Variants in ARHGAP28 observed in about 807,000 individuals in gnomAD.
ARHGAP28 encodes rho GTPase-activating protein 28.
In ARHGAP28, 56 loss-of-function variants were observed where a neutral mutation model predicts 90.7. That is an observed-to-expected ratio of 0.62 (90% confidence interval 0.50 to 0.77). ARHGAP28 has a LOEUF of 0.77. ARHGAP28 is among the 30% of genes least tolerant of loss of function. ARHGAP28 has a pLI of 0.00. For synonymous variants in ARHGAP28, 308 were observed against 323.3 expected, an observed-to-expected ratio of 0.95 and a Z score of 0.51; for missense variants, 869 against 900.9, an observed-to-expected ratio of 0.96 and a Z score of 0.45.
Position 6,887,224 on chromosome 18 carries a change from C to T in ARHGAP28, c.1521C>T (p.Asn507=), listed in dbSNP as rs148642656. 149 of 1,614,006 alleles carry T rather than the reference C, an allele frequency of 9.2e-5. No individual in the cohort carries two copies. Among genetic ancestry groups the T allele is most frequent in the Non-Finnish European group, 1.2e-4 (144 of 1,180,012 alleles). The change falls in exon 12 of 18, where the codon AAC becomes AAT. Residue 507 remains asparagine, a synonymous_variant. Transcript: ENST00000383472. ...TGGTCATGGCGCTGCCTGATGCCAACAGAGATGCAGCTCAGGTACGTCGTG... is the reference window on the plus strand; with the variant it reads ...TGGTCATGGCGCTGCCTGATGCCAATAGAGATGCAGCTCAGGTACGTCGTG... ...HLMVMALPDA[N]RDAAQALMTF... is the part of the protein sequence containing the mutation.
intron 1 of ARHGAP28, among the ~76,000 whole-genome samples, chr18:6,765,106 C>A (rs2056190049): frequency 6.6e-6 from 1 of 151,990 alleles, no homozygotes. Flanking sequence ...CGATGTTGGT[C>A]CATAGGTTTT....
chr18:6,785,180 C>T (rs1009345241), intron 1 of ARHGAP28, among the ~76,000 whole-genome samples: 1 of 152,178 alleles, frequency 6.6e-6, no homozygotes, highest in Non-Finnish European at 1.5e-5. Flanking sequence ...AAGGAATACT[C>T]CCCATTTGAG....
At chr18:6,773,092 G>T (rs2056256686) in intron 1 of ARHGAP28, among the ~76,000 whole-genome samples, 1 of 152,164 alleles carries the variant, frequency 6.6e-6, no homozygotes, top group Non-Finnish European at 1.5e-5. Flanking sequence ...ATATGTATTT[G>T]TTTGAGTTTT....
At chr18:6,768,881 C>G (rs2056221013) in intron 1 of ARHGAP28, among the ~76,000 whole-genome samples, 1 of 152,086 alleles carries the variant, frequency 6.6e-6, no homozygotes, top group African/African-American at 2.4e-5. Flanking sequence ...TCAGCATTCC[C>G]TTTCTCTCAG....
At chr18:6,866,527 G>T (rs912561230) in intron 5 of ARHGAP28, among the ~76,000 whole-genome samples, 1 of 152,028 alleles carries the variant, frequency 6.6e-6, no homozygotes, top group South Asian at 2.1e-4. Flanking sequence ...AAACCTTCTG[G>T]GCAGCACCTC....
At chr18:6,803,216 G>C (rs1391128719) in intron 1 of ARHGAP28, among the ~76,000 whole-genome samples, 1 of 152,064 alleles carries the variant, frequency 6.6e-6, no homozygotes, top group East Asian at 1.9e-4. Flanking sequence ...TGATATTACT[G>C]TTTTTCCTAG....
chr18:6,817,741 G>A (rs1159715934), intron 1 of ARHGAP28, among the ~76,000 whole-genome samples: 1 of 152,156 alleles, frequency 6.6e-6, no homozygotes, highest in Non-Finnish European at 1.5e-5. Context: ...TCCAAGGAGG[G>A]AGAATGGGAA....
chr18:6,837,131 A>T, intron 2 of ARHGAP28, 66 bp from the exon 3 acceptor site: 1 of 1,175,200 alleles, frequency 8.5e-7, no homozygotes, highest in Non-Finnish European at 1.2e-6. Context: ...TTCTTGTCTG[A>T]TATTCACATG....
intron 1 of ARHGAP28, among the ~76,000 whole-genome samples, chr18:6,803,773 T>A (rs981442558): frequency 6.6e-6 from 1 of 151,918 alleles, no homozygotes; most frequent in African/African-American, 2.4e-5. Context: ...TTTCTTATTT[T>A]TATTTTTATT....
At chr18:6,871,520 A>G (rs1291360811) in intron 7 of ARHGAP28, among the ~76,000 whole-genome samples, 1 of 152,086 alleles carries the variant, frequency 6.6e-6, no homozygotes, top group East Asian at 1.9e-4. Flanking sequence ...GGGCAAAGAG[A>G]GCTATATACT....
chr18:6,875,758 A>G (rs1439148156), intron 9 of ARHGAP28, among the ~76,000 whole-genome samples: 1 of 152,186 alleles, frequency 6.6e-6, no homozygotes, highest in Non-Finnish European at 1.5e-5. Context: ...ATTGCAACCA[A>G]TGACAGTAGA....
At chr18:6,793,014 C>G (rs889382658) in intron 1 of ARHGAP28, among the ~76,000 whole-genome samples, 10 of 152,268 alleles carry the variant, frequency 6.6e-5, no homozygotes, top group African/African-American at 2.4e-4. Context: ...TTGAAAGAAA[C>G]AACTTATTAT....
intron 11 of ARHGAP28, among the ~76,000 whole-genome samples, chr18:6,886,524 A>G (rs190916810): frequency 6.6e-6 from 1 of 152,328 alleles, no homozygotes; most frequent in East Asian, 1.9e-4. Flanking sequence ...GAAGATCTAG[A>G]ATAAGTGTCA....
chr18:6,730,764 G>C (rs932607187), intron 1 of ARHGAP28, among the ~76,000 whole-genome samples: 1 of 152,186 alleles, frequency 6.6e-6, no homozygotes, highest in African/African-American at 2.4e-5. Flanking sequence ...ATATTTGGGG[G>C]AAGTTTTATT....
chr18:6,817,098 A>G (rs1423735837), intron 1 of ARHGAP28, among the ~76,000 whole-genome samples: 2 of 151,490 alleles, frequency 1.3e-5, no homozygotes, highest in African/African-American at 4.8e-5. Flanking sequence ...AAAAAAAAAA[A>G]AAGTCAGGAG....
At chr18:6,739,066 G>A (rs2055953002) in intron 1 of ARHGAP28, among the ~76,000 whole-genome samples, 1 of 152,176 alleles carries the variant, frequency 6.6e-6, no homozygotes, top group South Asian at 2.1e-4. Flanking sequence ...TGTGACACAG[G>A]AAGAAACTGA....
intron 4 of ARHGAP28, among the ~76,000 whole-genome samples, chr18:6,855,278 T>C (rs1291538335): frequency 6.6e-6 from 1 of 152,156 alleles, no homozygotes; most frequent in East Asian, 1.9e-4. Flanking sequence ...ATTCAGTCAA[T>C]TGGATGGTGC....
intron 1 of ARHGAP28, among the ~76,000 whole-genome samples, chr18:6,747,799 C>T (rs770774579): frequency 1.3e-5 from 2 of 152,130 alleles, no homozygotes; most frequent in East Asian, 1.9e-4. Context: ...TGCCAGTATT[C>T]GGACTTCACA....
intron 16 of ARHGAP28, among the ~76,000 whole-genome samples, chr18:6,901,660 G>A (rs12456708): frequency 1.3e-5 from 2 of 151,824 alleles, no homozygotes; most frequent in African/African-American, 2.4e-5. Context: ...TCTACAAAGT[G>A]TCTGAGCAGT....
Sources: gnomAD v4.1 joint callset for allele counts (sites outside exome capture counted in the v4.1 genomes callset) on GRCh38, gnomAD v4.1.1 for gene constraint, MANE v1.5 for transcripts, NCBI Gene and HGNC (gene_info 2026-07-23, HGNC 2026-07-21) for gene names.